STPG2: variants seen among roughly 807,000 people sequenced by gnomAD.
The protein encoded by STPG2 is sperm-tail PG-rich repeat-containing protein 2.
Under a neutral mutation model 54.2 loss-of-function variants are expected in STPG2, and 56 were observed. The ratio of observed to expected loss-of-function variants is 1.03; its 90% CI spans 0.83 to 1.29. The LOEUF is 1.29. Among genes scored for constraint, STPG2 ranks in the 50% most tolerant of loss-of-function variants. STPG2 has a pLI of 0.00. For synonymous variants in STPG2, 200 were observed against 181.8 expected, an observed-to-expected ratio of 1.10 and a Z score of -0.81; for missense variants, 596 against 544.9, an observed-to-expected ratio of 1.09 and a Z score of -0.93.
intron 10 of STPG2, among the ~76,000 whole-genome samples, chr4:97,634,519 G>A (rs551713188): frequency 8.8e-4 from 134 of 152,182 alleles, no homozygotes; most frequent in African/African-American, 3.1e-3. Context: ...AGAGAAGAAG[G>A]CTTCAGACGA....
intron 8 of STPG2, among the ~76,000 whole-genome samples, chr4:97,933,386 T>C (rs1031132897): frequency 6.6e-6 from 1 of 152,176 alleles, no homozygotes; most frequent in African/African-American, 2.4e-5. Flanking sequence ...CAATTGTCAA[T>C]TTTTTCTTTT....
chr4:97,692,331 G>C (rs879918214), intron 10 of STPG2, among the ~76,000 whole-genome samples: 1 of 117,186 alleles, frequency 8.5e-6, no homozygotes, highest in Non-Finnish European at 1.8e-5. Flanking sequence ...AAGTGAAATA[G>C]ATAGCATAAA....
At chr4:97,750,486 A>C (rs1393003036) in intron 9 of STPG2, among the ~76,000 whole-genome samples, 1 of 151,854 alleles carries the variant, frequency 6.6e-6, no homozygotes, top group African/African-American at 2.4e-5. Context: ...GGGAAAGAGA[A>C]GCATAAAACT....
At chr4:97,708,286 G>A (rs1318989927) in intron 10 of STPG2, among the ~76,000 whole-genome samples, 4 of 151,666 alleles carry the variant, frequency 2.6e-5, no homozygotes, top group Non-Finnish European at 4.4e-5. Context: ...AGGAAACAAC[G>A]TAAATAGACC....
intron 10 of STPG2, among the ~76,000 whole-genome samples, chr4:97,562,904 T>C (rs1374016836): frequency 6.6e-6 from 1 of 152,184 alleles, no homozygotes; most frequent in African/African-American, 2.4e-5. Flanking sequence ...TAATATTCTC[T>C]TTTTTGGTTG....
chr4:97,659,104 G>A (rs969813818), intron 10 of STPG2, among the ~76,000 whole-genome samples: 1 of 152,024 alleles, frequency 6.6e-6, no homozygotes, highest in African/African-American at 2.4e-5. Flanking sequence ...GTCCTCAATA[G>A]CTTTTAAGAG....
At chr4:97,442,432 TTTAATTAAAG>T (rs1281777920) in intron 4 of STPG2, among the ~76,000 whole-genome samples, 1 of 152,100 alleles carries the variant, frequency 6.6e-6, no homozygotes, top group Non-Finnish European at 1.5e-5. Context: ...AAAAATTGTT[TTTAATTAAAG>T]TTAATTAAAG....
intron 10 of STPG2, among the ~76,000 whole-genome samples, chr4:97,581,590 A>T (rs541572207): frequency 6.6e-6 from 1 of 152,226 alleles, no homozygotes; most frequent in East Asian, 1.9e-4. Flanking sequence ...TAAAGTCTAA[A>T]TATCTAGCAT....
intron 9 of STPG2, among the ~76,000 whole-genome samples, chr4:97,783,408 TA>T: frequency 6.6e-6 from 1 of 152,276 alleles, no homozygotes; most frequent in East Asian, 1.9e-4. Context: ...TGGCGATCAT[TA>T]AAAAGTCAGG....
At chr4:97,649,666 A>T (rs1415987547) in intron 10 of STPG2, among the ~76,000 whole-genome samples, 1 of 152,088 alleles carries the variant, frequency 6.6e-6, no homozygotes, top group Non-Finnish European at 1.5e-5. Flanking sequence ...CTGTCTTGAG[A>T]TAGGAAGTTA....
At chr4:97,823,633 C>G (rs539498394) in intron 9 of STPG2, among the ~76,000 whole-genome samples, 2 of 152,178 alleles carry the variant, frequency 1.3e-5, no homozygotes, top group Non-Finnish European at 2.9e-5. Flanking sequence ...ATCCAAGAAC[C>G]ATCTCTTGGG....
At chr4:97,782,988 C>G (rs1352427360) in intron 9 of STPG2, among the ~76,000 whole-genome samples, 1 of 152,162 alleles carries the variant, frequency 6.6e-6, no homozygotes, top group Non-Finnish European at 1.5e-5. Flanking sequence ...TAGAAGAAAA[C>G]CTAGGCAATA....
chr4:98,031,414 C>G (rs920720932), intron 5 of STPG2, among the ~76,000 whole-genome samples: 5 of 152,160 alleles, frequency 3.3e-5, no homozygotes, highest in African/African-American at 1.2e-4. Context: ...CATGGTGGCT[C>G]ACACCTGTAA....
chr4:98,141,380 G>A (rs1053913194), intron 1 of STPG2, among the ~76,000 whole-genome samples: 2 of 152,072 alleles, frequency 1.3e-5, no homozygotes, highest in Non-Finnish European at 2.9e-5. Context: ...CACTCTTTTA[G>A]GTCTGATAAG....
intron 8 of STPG2, among the ~76,000 whole-genome samples, chr4:97,898,692 A>C (rs722024): frequency 0.13 from 19,296 of 151,668 alleles, 1,871 homozygotes; most frequent in African/African-American, 0.26. Flanking sequence ...TAAAAGCTTT[A>C]ATTATTAGAT....
intron 5 of STPG2, among the ~76,000 whole-genome samples, chr4:98,031,013 T>G (rs1736578146): frequency 6.6e-6 from 1 of 151,876 alleles, no homozygotes; most frequent in Admixed American, 6.6e-5. Flanking sequence ...AAACTATACT[T>G]TAAGGCCAGA....
At chr4:97,597,263 T>C (rs1733321735) in intron 10 of STPG2, among the ~76,000 whole-genome samples, 1 of 152,044 alleles carries the variant, frequency 6.6e-6, no homozygotes, top group African/African-American at 2.4e-5. Flanking sequence ...GAATCAGTTA[T>C]AAAAATCCTA....
intron 4 of STPG2, among the ~76,000 whole-genome samples, chr4:97,479,201 ATACT>A (rs1426396855): frequency 4.6e-5 from 7 of 152,086 alleles, no homozygotes; most frequent in Admixed American, 2.0e-4. Flanking sequence ...AGGAATCAAA[ATACT>A]TACAATAAAT....
Position 98,008,745 on chromosome 4 carries a change from G to A in STPG2, c.613-27427C>T, listed in dbSNP as rs540031418. On this transcript the variant is annotated intron_variant, in intron 5 of 10. Coordinates refer to ENST00000295268, the MANE Select transcript of STPG2 (RefSeq NM_174952.3). ...AGCCTCACATATCAATTTTAACCTT[G>A]AATATAAATGTACCAAATTCTCCAC... 2.6e-5 allele frequency among the ~76,000 whole-genome samples: 4 copies of A among 152,008 alleles called. No individual in the cohort carries two copies. In the South Asian group the frequency reaches 8.3e-4, roughly 31 times the overall value.
Sources: allele counts gnomAD v4.1 joint callset (sites outside exome capture counted in the v4.1 genomes callset), GRCh38; gene constraint gnomAD v4.1.1; transcripts MANE v1.5; gene names NCBI Gene and HGNC (gene_info 2026-07-23, HGNC 2026-07-21).